The following ANKRD42 variants were observed in gnomAD, a reference collection of about 807,000 sequenced individuals.
ANKRD42 encodes the protein ankyrin repeat domain-containing protein 42.
A neutral mutation model predicts 51.5 loss-of-function variants in ANKRD42; 43 were observed. That is an observed-to-expected ratio of 0.83 (90% CI 0.65 to 1.08). The LOEUF (loss-of-function observed/expected upper bound fraction) is 1.08. ANKRD42 is among the 50% of genes least tolerant of loss of function. The pLI is 0.00. For missense variants in ANKRD42, 608 were observed against 629.3 expected, an observed-to-expected ratio of 0.97 and a Z score of 0.36; for synonymous variants, 203 against 213.0, an observed-to-expected ratio of 0.95 and a Z score of 0.41.
intron 11 of ANKRD42, among the ~76,000 whole-genome samples, chr11:83,254,161 TAGAG>T (rs973964445): frequency 6.6e-6 from 1 of 151,840 alleles, no homozygotes; most frequent in Non-Finnish European, 1.5e-5. Context: ...TATTTTTTTG[TAGAG>T]AGAGGGGATT....
At chr11:83,195,692 C>T (rs1861619415) in intron 1 of ANKRD42, among the ~76,000 whole-genome samples, 1 of 152,162 alleles carries the variant, frequency 6.6e-6, no homozygotes, top group Non-Finnish European at 1.5e-5. Context: ...TTGTTTCACC[C>T]ACTGTATCCA....
At chr11:83,198,333 G>A in intron 1 of ANKRD42, 146 bp from the exon 2 acceptor site, 1 of 787,778 alleles carries the variant, frequency 1.3e-6, no homozygotes, top group Non-Finnish European at 1.9e-6. Flanking sequence ...CCAGAAGTCT[G>A]TTTAAGATAT....
chr11:83,247,833 AT>A, intron 10 of ANKRD42, 109 bp from the exon 11 acceptor site: 1 of 949,338 alleles, frequency 1.1e-6, no homozygotes, highest in South Asian at 1.8e-5. Flanking sequence ...TGAATAAATG[AT>A]TTCTTTGTTT....
At chr11:83,244,754 T>C (rs1184263288) in intron 9 of ANKRD42, among the ~76,000 whole-genome samples, 1 of 152,228 alleles carries the variant, frequency 6.6e-6, no homozygotes, top group Non-Finnish European at 1.5e-5. Flanking sequence ...TACTTCCTTC[T>C]CTTACTATTC....
At position 83,210,427 on chromosome 11, in the gene ANKRD42, A is replaced by G. The variant is rs755694564; in HGVS notation, c.450+8A>G. The stretch of plus-strand genomic sequence containing the variant: ...ATGCTCCGAAGTGGAGTGGTGAGTG[A>G]CTCCTGTTAATATGTGCTAATGTGT... On this transcript the variant is annotated splice_region_variant and intron_variant, in intron 4 of 10. Coordinates refer to ENST00000533342, the MANE Select transcript of ANKRD42 (RefSeq NM_001300975.2). 16 of 1,613,274 alleles carry G rather than the reference A, an allele frequency of 9.9e-6. No homozygotes were observed.
At chr11:83,196,936 T>C (rs890610187) in intron 1 of ANKRD42, among the ~76,000 whole-genome samples, 3 of 152,130 alleles carry the variant, frequency 2.0e-5, no homozygotes, top group Non-Finnish European at 4.4e-5. Flanking sequence ...ATTAGGATAG[T>C]TGGTCTGTGT....
At chr11:83,211,270 A>T in intron 4 of ANKRD42, 25 bp from the exon 5 acceptor site, 1 of 1,613,814 alleles carries the variant, frequency 6.2e-7, no homozygotes, top group African/African-American at 1.3e-5. Context: ...GGGAGAAACT[A>T]AGTCCTTGTG....
rs1862680776 is a variant in ANKRD42 at position 83,220,352 on chromosome 11, ATT to A, written c.587-4502_587-4501del. ...GACAGGTGCCCAGTTTAGCCTCTGA[ATT>A]CTAAGGAAGGACAGGACAGAATAGC... On this transcript the variant is annotated intron_variant, in intron 5 of 10. Transcript: ENST00000533342. 2.0e-5 allele frequency among the ~76,000 whole-genome samples: 3 copies of A among 152,052 alleles called. No individual in the cohort carries two copies. The South Asian group carries it at 6.2e-4, about 32-fold the overall frequency.
chr11:83,258,520 G>A (rs601425), downstream of ANKRD42, among the ~76,000 whole-genome samples: 66,282 of 151,896 alleles, frequency 0.44, 14,858 homozygotes, highest in African/African-American at 0.54. Flanking sequence ...CTTGCTGGGG[G>A]ACTGTGGACA....
intron 7 of ANKRD42, among the ~76,000 whole-genome samples, chr11:83,228,224 T>C (rs1862951542): frequency 2.1e-5 from 1 of 47,652 alleles, no homozygotes; most frequent in East Asian, 4.7e-4. Flanking sequence ...ATCATCCCTC[T>C]CTCTCTCTTT....
chr11:83,254,435 C>CTTTTT (rs1296141872), intron 11 of ANKRD42, among the ~76,000 whole-genome samples: 1 of 136,298 alleles, frequency 7.3e-6, no homozygotes, highest in Non-Finnish European at 1.5e-5. Context: ...TTTTTCTTTT[C>CTTTTT]TTTTTTTTTT....
Position 83,227,801 on chromosome 11 carries a change from A to G in ANKRD42, c.842A>G (p.Lys281Arg). 6.2e-7 allele frequency: 1 copy of G among 1,613,642 alleles called. No individual in the cohort carries two copies. Among genetic ancestry groups the G allele is most frequent in the East Asian group, 2.2e-5 (1 of 44,814 alleles). ...TTTAAGGGTGATTTGGGGATGCTTA[A>G]GAAATTAGTGGAAGATGGAGTAATC... ...AAFKGDLGMLKKLVEDGVINI... is the reference protein window; with the variant it reads ...AAFKGDLGMLRKLVEDGVINI... The change falls in exon 7 of 11, where the codon AAG (lysine) becomes AGG (arginine). Residue 281 changes from lysine to arginine, a missense_variant. Coordinates refer to ENST00000533342, the MANE Select transcript of ANKRD42 (RefSeq NM_001300975.2).
chr11:83,205,987 A>G (rs1454642774), intron 2 of ANKRD42, 71 bp from the exon 3 acceptor site: 14 of 1,348,936 alleles, frequency 1.0e-5, no homozygotes, highest in Non-Finnish European at 1.5e-5. Context: ...TTATGATAAC[A>G]GACCAAATTT....
chr11:83,254,454 C>G (rs1863732047), intron 11 of ANKRD42, among the ~76,000 whole-genome samples: 1 of 127,220 alleles, frequency 7.9e-6, no homozygotes, highest in Non-Finnish European at 1.6e-5. Flanking sequence ...TTTTTTGAGA[C>G]AGGGTCTTGC....
downstream of ANKRD42, chr11:83,262,067 A>T: frequency 2.7e-6 from 2 of 735,546 alleles, no homozygotes; most frequent in Non-Finnish European, 4.4e-6. Flanking sequence ...AAAAACAGGA[A>T]ATCCAACCAA....
At chr11:83,263,706 A>G (rs900428251), downstream of ANKRD42, among the ~76,000 whole-genome samples, 8 of 152,198 alleles carry the variant, frequency 5.3e-5, no homozygotes, top group Non-Finnish European at 1.0e-4. Context: ...AAAGAGGGCA[A>G]TCTCTCCTGA....
downstream of ANKRD42, chr11:83,257,468 T>C: frequency 2.7e-6 from 1 of 366,804 alleles, no homozygotes; most frequent in South Asian, 2.0e-5. Flanking sequence ...GCAAAGCACA[T>C]TTATTGGGCA....
intron 5 of ANKRD42, chr11:83,212,540 A>G (rs1862363890): frequency 1.1e-6 from 1 of 932,080 alleles, no homozygotes; most frequent in Non-Finnish European, 1.7e-6. Flanking sequence ...AGGATAGATC[A>G]CAGTGAGATT....
chr11:83,234,704 A>G (rs1863176383), intron 7 of ANKRD42, among the ~76,000 whole-genome samples: 1 of 152,204 alleles, frequency 6.6e-6, no homozygotes, highest in African/African-American at 2.4e-5. Context: ...TTGACTCTTA[A>G]TGACAGAAAA....
Sources: gnomAD v4.1 joint callset for allele counts (sites outside exome capture counted in the v4.1 genomes callset) on GRCh38, gnomAD v4.1.1 for gene constraint, MANE v1.5 for transcripts, NCBI Gene and HGNC (gene_info 2026-07-23, HGNC 2026-07-21) for gene names.